Variants in SGCD observed in about 807,000 individuals in gnomAD.
SGCD encodes the protein delta-sarcoglycan.
A neutral mutation model predicts 36.6 loss-of-function variants in SGCD; 18 were observed. The ratio of observed to expected loss-of-function variants is 0.49; its 90% CI spans 0.34 to 0.73. The LOEUF (loss-of-function observed/expected upper bound fraction) is 0.73, where lower values mean the gene tolerates loss of function less well. SGCD is among the 30% of genes least tolerant of loss of function. SGCD has a pLI of 0.01. For missense variants in SGCD, 387 were observed against 346.7 expected, an observed-to-expected ratio of 1.12 and a Z score of -0.92; for synonymous variants, 133 against 130.6, an observed-to-expected ratio of 1.02 and a Z score of -0.12.
At chr5:156,510,949 A>C (rs1756900702) in intron 4 of SGCD, among the ~76,000 whole-genome samples, 1 of 152,204 alleles carries the variant, frequency 6.6e-6, no homozygotes, top group Admixed American at 6.5e-5. Flanking sequence ...TGTCTAGCAA[A>C]TGTGTTAGCA....
At chr5:156,613,262 T>C (rs973621840) in intron 6 of SGCD, among the ~76,000 whole-genome samples, 23 of 152,226 alleles carry the variant, frequency 1.5e-4, no homozygotes, top group African/African-American at 5.5e-4. Flanking sequence ...ATTGTGGTAA[T>C]AGCTGAGTTT....
At position 156,474,907 on chromosome 5, in the gene SGCD, T is replaced by C. The variant is rs573367849; in HGVS notation, c.193-33694T>C. On this transcript the variant is annotated intron_variant, in intron 3 of 8. Coordinates refer to ENST00000337851, the MANE Select transcript of SGCD (RefSeq NM_000337.6). ...TTAAATAAACTGCTATAAGCCTTGG[T>C]CTTCAGACTACAGAATGGCAATAAT... is the stretch of plus-strand genomic sequence containing the variant. Among the ~76,000 whole-genome samples the C allele has an allele frequency of 2.6e-5, 4 of 152,294 alleles. 1 individual carries two copies. Among genetic ancestry groups the C allele is most frequent in the African/African-American group, 9.6e-5 (4 of 41,558 alleles).
intron 7 of SGCD, among the ~76,000 whole-genome samples, chr5:156,715,143 C>G (rs1268854291): frequency 1.3e-5 from 2 of 152,126 alleles, no homozygotes; most frequent in African/African-American, 4.8e-5. Context: ...GGTCAGTCAT[C>G]ATATGGCTTG....
chr5:156,253,637 G>A (rs751844972), intron 3 of SGCD, among the ~76,000 whole-genome samples: 15 of 151,968 alleles, frequency 9.9e-5, no homozygotes, highest in Non-Finnish European at 2.1e-4. Context: ...TCATAACAAC[G>A]AGTATATTAA....
intron 3 of SGCD, among the ~76,000 whole-genome samples, chr5:156,125,579 C>G (rs1762151247): frequency 1.3e-5 from 2 of 152,114 alleles, no homozygotes; most frequent in South Asian, 4.2e-4. Context: ...TCCTCCTTCT[C>G]TAGTCAGAAT....
intron 1 of SGCD, among the ~76,000 whole-genome samples, chr5:156,036,226 T>C (rs945313919): frequency 2.0e-5 from 3 of 152,160 alleles, no homozygotes; most frequent in African/African-American, 4.8e-5. Context: ...TGAGAGGTCA[T>C]AGAGACTTGT....
intron 2 of SGCD, among the ~76,000 whole-genome samples, chr5:156,341,646 G>T (rs1451823579): frequency 6.6e-6 from 1 of 152,172 alleles, no homozygotes; most frequent in Non-Finnish European, 1.5e-5. Flanking sequence ...AAATACTGAT[G>T]CCTGGGTGCT....
At chr5:156,094,614 A>C (rs1761331667) in intron 1 of SGCD, among the ~76,000 whole-genome samples, 1 of 152,186 alleles carries the variant, frequency 6.6e-6, no homozygotes, top group African/African-American at 2.4e-5. Flanking sequence ...TTACAGTAAC[A>C]AATCATCTTT....
the SGCD span, among the ~76,000 whole-genome samples, chr5:155,730,537 G>A: frequency 2.0e-5 from 3 of 150,414 alleles, no homozygotes; most frequent in Non-Finnish European, 4.4e-5. Flanking sequence ...TAGGCACTCC[G>A]TTTTTACTTA....
intron 3 of SGCD, among the ~76,000 whole-genome samples, chr5:156,188,303 CA>C (rs982420551): frequency 1.3e-5 from 2 of 151,846 alleles, no homozygotes; most frequent in South Asian, 2.1e-4. Flanking sequence ...GAGGGACAGT[CA>C]AAAAATAATA....
intron 2 of SGCD, 25 bp downstream of exon 2, chr5:156,329,604 T>G (rs753107079): frequency 6.2e-7 from 1 of 1,610,166 alleles, no homozygotes; most frequent in Non-Finnish European, 8.5e-7. Flanking sequence ...GGAGCGAAGC[T>G]TGTTCAAGGC....
chr5:155,964,607 G>C (rs574159398), intron 1 of SGCD, among the ~76,000 whole-genome samples: 4 of 152,204 alleles, frequency 2.6e-5, no homozygotes, highest in Middle Eastern at 6.8e-3. Context: ...AATTACAGGC[G>C]TGAGCCACCA....
chr5:156,584,509 G>T (rs572176204), intron 4 of SGCD, among the ~76,000 whole-genome samples: 2 of 152,346 alleles, frequency 1.3e-5, no homozygotes, highest in South Asian at 2.1e-4. Context: ...ATAAGGGGCA[G>T]TTGAAAGAGG....
At chr5:156,519,637 G>T (rs969395001) in intron 4 of SGCD, among the ~76,000 whole-genome samples, 1 of 152,050 alleles carries the variant, frequency 6.6e-6, no homozygotes, top group Non-Finnish European at 1.5e-5. Context: ...CTGGCAAAAC[G>T]AATTCAGCAG....
At chr5:155,901,146 A>G (rs1176838340) in intron 1 of SGCD, among the ~76,000 whole-genome samples, 4 of 151,932 alleles carry the variant, frequency 2.6e-5, no homozygotes, top group Non-Finnish European at 5.9e-5. Context: ...CCCTGTCACT[A>G]CTAAAAATAC....
intron 3 of SGCD, among the ~76,000 whole-genome samples, chr5:156,267,991 C>T (rs1377601188): frequency 2.0e-5 from 3 of 152,160 alleles, no homozygotes; most frequent in Admixed American, 6.5e-5. Context: ...TCCCTGCACC[C>T]TCCACCCTCA....
intron 3 of SGCD, among the ~76,000 whole-genome samples, chr5:156,233,312 C>A (rs981945399): frequency 3.3e-5 from 5 of 152,170 alleles, no homozygotes; most frequent in Admixed American, 3.3e-4. Context: ...ATGTTATATT[C>A]GAAAGCTGCT....
chr5:156,131,233 G>A lies in SGCD; in HGVS notation c.-44+7214G>A, dbSNP rs141736253. Among the ~76,000 whole-genome samples the A allele has an allele frequency of 1.3e-4, 20 of 152,258 alleles. No individual in the cohort carries two copies. The East Asian group carries it at 3.9e-3, about 29-fold the overall frequency. Reference sequence around the variant, plus strand: ...TAGAAAACCCCATATGACTTGCAGAGGCAATGTCATTTAATAAAGAGCTCT... The same window carrying A: ...TAGAAAACCCCATATGACTTGCAGAAGCAATGTCATTTAATAAAGAGCTCT... On this transcript the variant is annotated intron_variant, in intron 3 of 9. Transcript: ENST00000517913.
intron 3 of SGCD, among the ~76,000 whole-genome samples, chr5:156,434,410 C>A (rs1235483917): frequency 6.6e-6 from 1 of 152,134 alleles, no homozygotes. Context: ...AGGCTCCCTC[C>A]CTCTCCAGTC....
Sources: allele counts gnomAD v4.1 joint callset (sites outside exome capture counted in the v4.1 genomes callset), GRCh38; gene constraint gnomAD v4.1.1; transcripts MANE v1.5; gene names NCBI Gene and HGNC (gene_info 2026-07-23, HGNC 2026-07-21).